PPP3CA: variants seen among roughly 807,000 people sequenced by gnomAD.
PPP3CA encodes the protein CAM-PRP catalytic subunit.
Under a neutral mutation model 66.5 loss-of-function variants are expected in PPP3CA, and 14 were observed. That is an observed-to-expected ratio of 0.21 (90% CI 0.14 to 0.33). PPP3CA has a LOEUF of 0.33. PPP3CA is among the 10% of genes least tolerant of loss of function. The pLI, the probability that PPP3CA is intolerant of heterozygous loss-of-function variation, is 1.00. For missense variants in PPP3CA, 317 were observed against 639.5 expected (o/e 0.50, Z 5.44); for synonymous variants, 232 against 226.2 (o/e 1.03, Z -0.23).
intron 8 of PPP3CA, among the ~76,000 whole-genome samples, chr4:101,078,220 A>G (rs1729276687): frequency 6.6e-6 from 1 of 152,186 alleles, no homozygotes; most frequent in Non-Finnish European, 1.5e-5. Context: ...AAATTATAGG[A>G]TCATGGTGAG....
chr4:101,236,504 G>A (rs1232079853), intron 1 of PPP3CA, among the ~76,000 whole-genome samples: 2 of 151,958 alleles, frequency 1.3e-5, no homozygotes, highest in African/African-American at 2.4e-5. Flanking sequence ...GATGTAGGTA[G>A]CGAACTAGTA....
intron 8 of PPP3CA, among the ~76,000 whole-genome samples, chr4:101,065,551 A>G (rs1728645116): frequency 6.6e-6 from 1 of 152,090 alleles, no homozygotes; most frequent in Non-Finnish European, 1.5e-5. Context: ...CTTATGTTAC[A>G]AAGGAATTGT....
At chr4:101,124,652 GGA>G (rs565496634) in intron 2 of PPP3CA, among the ~76,000 whole-genome samples, 1 of 123,218 alleles carries the variant, frequency 8.1e-6, no homozygotes, top group East Asian at 2.4e-4. Flanking sequence ...AGAAAGAGAG[GGA>G]GAGAGAGACA....
At chr4:101,104,781 T>C (rs995895323) in intron 3 of PPP3CA, among the ~76,000 whole-genome samples, 1 of 152,154 alleles carries the variant, frequency 6.6e-6, no homozygotes, top group Non-Finnish European at 1.5e-5. Context: ...TTACATACGA[T>C]ATCAATGAGC....
At chr4:101,183,300 G>C (rs1724301296) in intron 2 of PPP3CA, among the ~76,000 whole-genome samples, 1 of 152,070 alleles carries the variant, frequency 6.6e-6, no homozygotes, top group Admixed American at 6.6e-5. Flanking sequence ...AGGGGAAAGG[G>C]AAGCAAGGAA....
At chr4:101,321,618 CT>C (rs1729043850) in intron 1 of PPP3CA, among the ~76,000 whole-genome samples, 1 of 152,150 alleles carries the variant, frequency 6.6e-6, no homozygotes, top group Admixed American at 6.5e-5. Context: ...GCAGGATTCA[CT>C]TGTTGTTGTC....
chr4:101,192,591 T>C (rs915507601), intron 2 of PPP3CA, among the ~76,000 whole-genome samples: 29 of 152,178 alleles, frequency 1.9e-4, no homozygotes, highest in Non-Finnish European at 4.3e-4. Flanking sequence ...CTAGCCACTT[T>C]ACAAAAAATA....
At position 101,347,045 on chromosome 4, in the gene PPP3CA, CG is replaced by C. The variant is rs1730033598; in HGVS notation, c.-250del. 1.7e-6 allele frequency: 1 copy of C among 582,692 alleles called. No individual in the cohort carries two copies. The highest frequency in any genetic ancestry group is 2.0e-5 in the African/African-American group (1 of 49,958). 36.1% of individuals were successfully genotyped at this position (582,692 alleles called of 1,614,324 possible). A position where few individuals can be genotyped will look rare whatever the true frequency, so the allele number is the denominator to read the frequency against. On this transcript the variant is annotated 5_prime_UTR_variant, in exon 1 of 14. Transcript: ENST00000394854. Reference sequence around the variant, plus strand: ...AGCCCCGCCGACTCGCTCCGGGCTGCGCGTGTGTGGTGGTTATTTATTTATT... The same window carrying C: ...AGCCCCGCCGACTCGCTCCGGGCTGCCGTGTGTGGTGGTTATTTATTTATT...
intron 12 of PPP3CA, among the ~76,000 whole-genome samples, chr4:101,029,769 T>C (rs1726854039): frequency 6.6e-6 from 1 of 150,388 alleles, no homozygotes. Context: ...AGATAATGGA[T>C]GTGACTCTTT....
At chr4:101,277,160 C>T (rs1236506078) in intron 1 of PPP3CA, among the ~76,000 whole-genome samples, 2 of 152,184 alleles carry the variant, frequency 1.3e-5, no homozygotes, top group Admixed American at 6.5e-5. Flanking sequence ...GAATCATACA[C>T]AGCCTTTTCA....
chr4:101,185,334 T>G (rs1724377998), intron 2 of PPP3CA, among the ~76,000 whole-genome samples: 1 of 152,122 alleles, frequency 6.6e-6, no homozygotes, highest in Non-Finnish European at 1.5e-5. Context: ...CAACAGGAAC[T>G]GAGGTCTTAT....
At chr4:101,049,686 T>C (rs986459739) in intron 10 of PPP3CA, among the ~76,000 whole-genome samples, 1 of 151,998 alleles carries the variant, frequency 6.6e-6, no homozygotes, top group African/African-American at 2.4e-5. Flanking sequence ...CATATGGATT[T>C]ATACATTTAT....
intron 1 of PPP3CA, among the ~76,000 whole-genome samples, chr4:101,267,825 TA>T (rs1727217072): frequency 6.6e-6 from 1 of 152,178 alleles, no homozygotes; most frequent in Admixed American, 6.6e-5. Context: ...TATACACCAA[TA>T]TTTACTCCAC....
chr4:101,290,632 A>C (rs1727993525), intron 1 of PPP3CA, among the ~76,000 whole-genome samples: 1 of 152,218 alleles, frequency 6.6e-6, no homozygotes, highest in African/African-American at 2.4e-5. Flanking sequence ...TGAAGCTTAC[A>C]TTCCAACAAG....
chr4:101,161,186 T>C (rs527426204), intron 2 of PPP3CA, among the ~76,000 whole-genome samples: 4 of 152,232 alleles, frequency 2.6e-5, no homozygotes, highest in African/African-American at 9.6e-5. Flanking sequence ...ATTCTCTAGG[T>C]TTATATAAAT....
intron 6 of PPP3CA, 46 bp downstream of exon 6, chr4:101,093,730 C>A: frequency 6.6e-7 from 1 of 1,504,620 alleles, no homozygotes; most frequent in Non-Finnish European, 8.9e-7. Flanking sequence ...TAAATCCTAG[C>A]ATTATGATGC....
rs368727973 is a variant in PPP3CA, at chr4:101,094,552, T to C, written c.643-637A>G. ...ATGATAAACTACAAGCCTCCTGTAGTTGATCTTAGTGGGTACAAATATGAG... is the reference window on the plus strand; with the variant it reads ...ATGATAAACTACAAGCCTCCTGTAGCTGATCTTAGTGGGTACAAATATGAG... On this transcript the variant is annotated intron_variant, in intron 5 of 13. Transcript: ENST00000394854. Among the ~76,000 whole-genome samples, 16 of 152,300 alleles carry C rather than the reference T, an allele frequency of 1.1e-4. No individual in the cohort carries two copies. In the East Asian group the frequency reaches 2.3e-3, roughly 22 times the overall value.
chr4:101,275,789 C>T (rs1372284304), intron 1 of PPP3CA, among the ~76,000 whole-genome samples: 1 of 150,582 alleles, frequency 6.6e-6, no homozygotes, highest in Non-Finnish European at 1.5e-5. Flanking sequence ...TGCAAGGTCA[C>T]TTTTACATCT....
intron 2 of PPP3CA, among the ~76,000 whole-genome samples, chr4:101,129,832 C>T (rs1452872898): frequency 1.3e-5 from 2 of 152,094 alleles, no homozygotes; most frequent in African/African-American, 2.4e-5. Flanking sequence ...AACCAGAATG[C>T]CTCTTCTCCT....
Sources: gnomAD v4.1 joint callset for allele counts (sites outside exome capture counted in the v4.1 genomes callset) on GRCh38, gnomAD v4.1.1 for gene constraint, MANE v1.5 for transcripts, NCBI Gene and HGNC (gene_info 2026-07-23, HGNC 2026-07-21) for gene names.